CTDP1: variants seen among roughly 807,000 people sequenced by gnomAD.
The protein encoded by CTDP1 is CTD phosphatase 1, also known as RNA polymerase II subunit A C-terminal domain phosphatase.
Under a neutral mutation model 91.8 loss-of-function variants are expected in CTDP1, and 47 were observed. The observed-to-expected ratio is 0.51, with a 90% CI of 0.41 to 0.65. The LOEUF is 0.65. CTDP1 is among the 30% of genes least tolerant of loss of function. CTDP1 has a pLI of 0.00. For missense variants in CTDP1, 1,272 were observed against 1,373.7 expected, an observed-to-expected ratio of 0.93 and a Z score of 1.17; for synonymous variants, 656 against 598.5, an observed-to-expected ratio of 1.10 and a Z score of -1.40.
Position 79,717,653 on chromosome 18 carries a change from G to C in CTDP1, c.2187G>C (p.Arg729Ser), listed in dbSNP as rs1420531995. 6 of 1,613,904 alleles carry C rather than the reference G, an allele frequency of 3.7e-6. No homozygotes were observed. In the African/African-American group the frequency reaches 6.7e-5, roughly 18 times the overall value. The change falls in exon 9 of 13, where the codon AGG (arginine) becomes AGC (serine). Residue 729 changes from arginine (R) to serine (S), a missense_variant. Arg to Ser is a moderately radical substitution (Grantham distance 110). Transcript: ENST00000613122. ...TGGAGGAGCAGCTCTTCCCGCTCAG[G>C]GACGATCACACCAAGGCACAGAGGT... Reference protein sequence around the residue: ...DKVEEQLFPLRDDHTKAQREN... With the variant: ...DKVEEQLFPLSDDHTKAQREN...
At chr18:79,676,836 G>GT (rs1255308027), upstream of CTDP1, among the ~76,000 whole-genome samples, 3 of 152,156 alleles carry the variant, frequency 2.0e-5, no homozygotes, top group Admixed American at 1.3e-4. Context: ...TGATACTAAT[G>GT]TTTTTTCTCA....
At chr18:79,689,210 C>G (rs1016544921) in intron 1 of CTDP1, among the ~76,000 whole-genome samples, 4 of 152,124 alleles carry the variant, frequency 2.6e-5, no homozygotes, top group Non-Finnish European at 4.4e-5. Flanking sequence ...TAGGACATCC[C>G]TCAGTTAGAT....
rs372063100 is a variant in CTDP1, at chr18:79,731,050, G to A, written c.2580+1981G>A. On this transcript the variant is annotated intron_variant, in intron 11 of 12. Coordinates refer to ENST00000613122, the MANE Select transcript of CTDP1 (RefSeq NM_004715.5). ...TTCACCCCAGATAAGCCTGTCTCTC[G>A]GGCCCATTGCCTGCACCCCCCCGTG... Among the ~76,000 whole-genome samples, 45 of 152,242 alleles carry A rather than the reference G, an allele frequency of 3.0e-4. 1 individual carries two copies. The highest frequency in any genetic ancestry group is 1.0e-3 in the African/African-American group (42 of 41,544).
intron 5 of CTDP1, among the ~76,000 whole-genome samples, chr18:79,709,931 C>T (rs549885830): frequency 5.4e-4 from 82 of 152,200 alleles, no homozygotes; most frequent in Non-Finnish European, 9.4e-4. Context: ...AGATCATATC[C>T]GAGGTGACGC....
intron 6 of CTDP1, among the ~76,000 whole-genome samples, chr18:79,712,698 C>T (rs996729658): frequency 1.6e-4 from 24 of 152,292 alleles, no homozygotes; most frequent in African/African-American, 5.5e-4. Flanking sequence ...GTTTCGTCCC[C>T]GTGGCCCGTA....
At position 79,716,494 on chromosome 18, in the gene CTDP1, C is replaced by G. The variant is rs564635389; in HGVS notation, c.2068+966C>G. Among the ~76,000 whole-genome samples, 9 of 152,346 alleles carry G rather than the reference C, an allele frequency of 5.9e-5. No homozygotes were observed. In the East Asian group the frequency reaches 1.4e-3, roughly 23 times the overall value. On this transcript the variant is annotated intron_variant, in intron 8 of 12. Transcript: ENST00000613122. ...GCTTTCCGTGGAGCCCAGCGAGACC[C>G]TTGATCCCAGGAGAAAGCCAAGCCC... is the stretch of plus-strand genomic sequence containing the variant.
chr18:79,753,736 C>T lies in CTDP1; in HGVS notation c.2832C>T (p.Ser944=), dbSNP rs371648109. The T allele has an allele frequency of 1.9e-5, 30 of 1,613,896 alleles. No homozygotes were observed. The highest frequency in any genetic ancestry group is 2.3e-5 in the Non-Finnish European group (27 of 1,180,022). Residue 944 remains serine (S), a synonymous_variant, in exon 13 of 13, where the codon TCC becomes TCT. Coordinates refer to ENST00000613122, the MANE Select transcript of CTDP1 (RefSeq NM_004715.5). ...GCAACGAGGATGAGGGCAGCAGCTC[C>T]GAGGCCGACGAGATGGCCAAGGCGC... ...ESSNEDEGSS[S]EADEMAKALE... is the part of the protein sequence containing the mutation.
intron 1 of CTDP1, among the ~76,000 whole-genome samples, chr18:79,691,127 G>A (rs746533649): frequency 4.6e-5 from 7 of 152,162 alleles, no homozygotes; most frequent in Non-Finnish European, 8.8e-5. Flanking sequence ...TTCCTTCCTC[G>A]TGTAGAACTA....
At chr18:79,745,237 G>A (rs191733406) in intron 12 of CTDP1, among the ~76,000 whole-genome samples, 23 of 145,152 alleles carry the variant, frequency 1.6e-4, no homozygotes, top group Admixed American at 5.4e-4. Flanking sequence ...TGGATTGTGC[G>A]TCCCTCCCAT....
intron 7 of CTDP1, among the ~76,000 whole-genome samples, chr18:79,714,230 G>T (rs1415570706): frequency 6.6e-6 from 1 of 152,146 alleles, no homozygotes; most frequent in Non-Finnish European, 1.5e-5. Flanking sequence ...GGATTTTTTG[G>T]ATTGGGGATG....
chr18:79,717,964 C>A lies in CTDP1; in HGVS notation c.2365C>A (p.Pro789Thr), dbSNP rs747439709. The A allele has an allele frequency of 1.9e-6, 3 of 1,613,204 alleles. No individual in the cohort carries two copies. The highest frequency in any genetic ancestry group is 4.5e-5 in the East Asian group (2 of 44,882). ...GKLIRTGARG[P>T]PAPSSSLPIR... is the part of the protein sequence containing the mutation. ...GCTCATCAGGACGGGCGCCCGGGGG[C>A]CCCCAGCACCCTCCAGCTCCCTACC... Residue 789 changes from proline to threonine, a missense_variant, in exon 10 of 13, where the codon CCC becomes ACC. By Grantham distance (38) the Pro-to-Thr change is conservative (BLOSUM62 -1). Coordinates refer to ENST00000613122, the MANE Select transcript of CTDP1 (RefSeq NM_004715.5).
At chr18:79,728,625 A>G (rs1480333550) in intron 10 of CTDP1, among the ~76,000 whole-genome samples, 2 of 98,776 alleles carry the variant, frequency 2.0e-5, no homozygotes, top group Non-Finnish European at 5.1e-5. Context: ...AGCCTGGCAG[A>G]TGCTCTCTGC....
At chr18:79,712,755 TC>T (rs1383164525) in intron 6 of CTDP1, among the ~76,000 whole-genome samples, 2 of 152,204 alleles carry the variant, frequency 1.3e-5, no homozygotes, top group Non-Finnish European at 2.9e-5. Context: ...GTTTGGGAAC[TC>T]CTGCCTGAAG....
rs200373527 is a variant in CTDP1 at position 79,695,231 on chromosome 18, T to A, written c.321T>A (p.Val107=). The change falls in exon 2 of 13, where the codon GTT becomes GTA. Residue 107 remains valine (V), a synonymous_variant. Transcript: ENST00000613122. ...CCCTTGTGTTTTTTTGTAGAGCGGT[T>A]CTGGTGAGGTTGGAAGGATGCAGCC... ...QPGQVVAPGA[V]LVRLEGCSHP... The A allele has an allele frequency of 6.8e-6, 11 of 1,614,166 alleles. No homozygotes were observed. The East Asian group carries it at 2.2e-4, about 33-fold the overall frequency.
chr18:79,696,116 T>TGAGGAGGGCGGCTGCAG lies in CTDP1; in HGVS notation c.492+55_492+71dup, dbSNP rs555095228. The TGAGGAGGGCGGCTGCAG allele has an allele frequency of 1.8e-3, 2,840 of 1,554,746 alleles. 24 individuals carry two copies. Among genetic ancestry groups the TGAGGAGGGCGGCTGCAG allele is most frequent in the South Asian group, 0.012 (1,041 of 89,288 alleles). On this transcript the variant is annotated intron_variant, in intron 3 of 12. Transcript: ENST00000613122. The stretch of plus-strand genomic sequence containing the variant: ...GGCGTGTTGGGGAAGCGTGGTGCTC[T>TGAGGAGGGCGGCTGCAG]GAGGAGGGCGGCTGCAGGAGGAGGG...
intron 8 of CTDP1, among the ~76,000 whole-genome samples, chr18:79,716,131 T>A (rs2007483): frequency 0.32 from 49,260 of 152,166 alleles, 9,003 homozygotes; most frequent in East Asian, 0.41. Context: ...TTATTCTAGT[T>A]ATTCTGTGAA....
chr18:79,739,719 A>T (rs184635938), intron 12 of CTDP1, among the ~76,000 whole-genome samples: 11 of 152,324 alleles, frequency 7.2e-5, no homozygotes, highest in Non-Finnish European at 1.5e-4. Context: ...GATCAGGAGA[A>T]TAAAGTGTCC....
chr18:79,683,817 G>A (rs1427465937), intron 1 of CTDP1, among the ~76,000 whole-genome samples: 1 of 152,216 alleles, frequency 6.6e-6, no homozygotes, highest in African/African-American at 2.4e-5. Context: ...CTGACGAGGT[G>A]TGGGATTTAC....
chr18:79,682,426 G>A (rs2085394027), intron 1 of CTDP1, among the ~76,000 whole-genome samples: 1 of 152,240 alleles, frequency 6.6e-6, no homozygotes. Context: ...TCCATAGAGA[G>A]TTGCAGGTAG....
Sources: allele counts gnomAD v4.1 joint callset (sites outside exome capture counted in the v4.1 genomes callset), GRCh38; gene constraint gnomAD v4.1.1; transcripts MANE v1.5; gene names NCBI Gene and HGNC (gene_info 2026-07-23, HGNC 2026-07-21).